FEZ2: variants seen among roughly 807,000 people sequenced by gnomAD.
FEZ2 encodes the protein fasciculation and elongation protein zeta-2.
Under a neutral mutation model 40.4 loss-of-function variants are expected in FEZ2, and 51 were observed. The observed-to-expected ratio is 1.26, with a 90% CI of 1.01 to 1.59. The LOEUF (loss-of-function observed/expected upper bound fraction) is 1.59, where lower values mean the gene tolerates loss of function less well. FEZ2 is among the 40% of genes most tolerant of loss of function. The pLI is 0.00. For synonymous variants in FEZ2, 242 were observed against 172.0 expected (o/e 1.41, Z -3.18); for missense variants, 640 against 438.3 (o/e 1.46, Z -4.11).
intron 5 of FEZ2, among the ~76,000 whole-genome samples, chr2:36,573,233 C>G (rs1033401089): frequency 1.3e-5 from 2 of 152,176 alleles, no homozygotes; most frequent in African/African-American, 4.8e-5. Context: ...AGATTTGTTA[C>G]TAGATACTCA....
rs1359442883 is a variant in FEZ2 at position 36,597,951 on chromosome 2, G to C, written c.192C>G (p.Pro64=). The C allele has an allele frequency of 1.4e-6, 2 of 1,461,162 alleles. No homozygotes were observed. Among genetic ancestry groups the C allele is most frequent in the East Asian group, 3.0e-5 (1 of 33,782 alleles). The allele number at this position is 1,461,162 out of a possible 1,614,324, so 90.5% of individuals were successfully genotyped here. The change falls in exon 1 of 8, where the codon CCC becomes CCG. Residue 64 remains proline, a synonymous_variant. Coordinates refer to ENST00000405912, the MANE Select transcript of FEZ2 (RefSeq NM_005102.3). The part of the protein sequence containing the change: ...LEEKLSLCFR[P]SDPGAEPPRT... Reference sequence around the variant, plus strand: ...TCGGGGGCTCGGCGCCCGGATCCGAGGGGCGGAAGCACAGGCTCAGCTTCT... The same window carrying C: ...TCGGGGGCTCGGCGCCCGGATCCGACGGGCGGAAGCACAGGCTCAGCTTCT...
intron 5 of FEZ2, among the ~76,000 whole-genome samples, chr2:36,573,344 C>T (rs1213193963): frequency 2.0e-5 from 3 of 152,140 alleles, no homozygotes; most frequent in Non-Finnish European, 4.4e-5. Flanking sequence ...ACTAGATGAA[C>T]AGCAACTACT....
chr2:36,563,545 C>T (rs1668149564), intron 5 of FEZ2, among the ~76,000 whole-genome samples: 2 of 151,172 alleles, frequency 1.3e-5, no homozygotes, highest in Admixed American at 1.3e-4. Flanking sequence ...AAACTAAAAT[C>T]TACGTCTGAG....
intron 2 of FEZ2, among the ~76,000 whole-genome samples, chr2:36,587,346 T>G (rs1014202561): frequency 6.6e-6 from 1 of 152,214 alleles, no homozygotes; most frequent in Non-Finnish European, 1.5e-5. Context: ...GGTATCATTA[T>G]TCACTCCTCC....
intron 7 of FEZ2, among the ~76,000 whole-genome samples, chr2:36,553,781 C>T (rs930067913): frequency 2.0e-5 from 3 of 152,120 alleles, no homozygotes; most frequent in Non-Finnish European, 4.4e-5. Flanking sequence ...GCAGCCAAGC[C>T]ACACTCTCAT....
chr2:36,596,558 G>T (rs531052386), intron 1 of FEZ2, among the ~76,000 whole-genome samples: 2 of 152,212 alleles, frequency 1.3e-5, no homozygotes, highest in East Asian at 3.8e-4. Context: ...CAGGACTCAA[G>T]CAATCCTGCC....
chr2:36,580,816 C>T (rs963898299), intron 4 of FEZ2, among the ~76,000 whole-genome samples: 2 of 152,138 alleles, frequency 1.3e-5, no homozygotes, highest in Non-Finnish European at 2.9e-5. Context: ...AAAATAAGGT[C>T]ATTAGGATAG....
At chr2:36,555,629 TACTG>T (rs1227400481) in intron 7 of FEZ2, 50 bp downstream of exon 7, 45 of 940,516 alleles carry the variant, frequency 4.8e-5, no homozygotes, top group Non-Finnish European at 6.9e-5. Flanking sequence ...GCGATGTATT[TACTG>T]ACTAATCCAA....
chr2:36,562,250 AATTT>A (rs1668113660), intron 5 of FEZ2, among the ~76,000 whole-genome samples: 1 of 152,086 alleles, frequency 6.6e-6, no homozygotes, highest in South Asian at 2.1e-4. Flanking sequence ...ATTTTTCATG[AATTT>A]ATATTTTTAA....
Position 36,558,524 on chromosome 2 carries a change from TAAA to T in FEZ2, c.904-14_904-12del. 4.9e-6 allele frequency: 6 copies of T among 1,215,656 alleles called. No individual in the cohort carries two copies. The highest frequency in any genetic ancestry group is 1.7e-5 in the South Asian group (1 of 59,828). The allele number at this position is 1,215,656 out of a possible 1,614,324, so 75.3% of individuals were successfully genotyped here. ...GACTGTAGTCAAATACTGCCAAGTT[TAAA>T]AAAAAAAAGTGTCACTTAAATCGGA... On this transcript the variant is annotated splice_polypyrimidine_tract_variant and intron_variant, in intron 5 of 7. Transcript: ENST00000405912.
chr2:36,591,641 G>C (rs1180785350), intron 1 of FEZ2: 1 of 152,374 alleles, frequency 6.6e-6, no homozygotes, highest in Non-Finnish European at 1.5e-5. Context: ...AGGAGAAAGA[G>C]AGGGAGTTCA....
intron 5 of FEZ2, among the ~76,000 whole-genome samples, chr2:36,566,556 G>A (rs114586533): frequency 0.013 from 2,042 of 152,250 alleles, 49 homozygotes; most frequent in African/African-American, 0.047. Context: ...GTATGTAGGA[G>A]GCATCTGACT....
Position 36,571,427 on chromosome 2 carries a change from G to A in FEZ2, c.903+7170C>T, listed in dbSNP as rs988363567. Among the ~76,000 whole-genome samples, 6 of 149,508 alleles carry A rather than the reference G, an allele frequency of 4.0e-5. No homozygotes were observed. The East Asian group carries it at 1.0e-3, about 25-fold the overall frequency. On this transcript the variant is annotated intron_variant, in intron 5 of 7. Transcript: ENST00000405912. ...TGTAATCCCAGCACTTTGGGAGGCC[G>A]AGGTGGGCGGATCGCTTGAGGCCAG...
chr2:36,567,686 C>A (rs530666003), intron 5 of FEZ2, among the ~76,000 whole-genome samples: 2 of 151,496 alleles, frequency 1.3e-5, no homozygotes, highest in Non-Finnish European at 2.9e-5. Flanking sequence ...CACTTGAACC[C>A]GGGAGGCGGA....
chr2:36,576,871 C>A (rs1668587831), intron 5 of FEZ2, among the ~76,000 whole-genome samples: 1 of 152,082 alleles, frequency 6.6e-6, no homozygotes, highest in Admixed American at 6.6e-5. Context: ...GCCTTTAAAC[C>A]CCTCTAGGGA....
chr2:36,583,661 A>C (rs1181775891), intron 2 of FEZ2, among the ~76,000 whole-genome samples, 192 bp from the exon 3 acceptor site: 2 of 152,198 alleles, frequency 1.3e-5, no homozygotes, highest in Non-Finnish European at 2.9e-5. Context: ...AAGAATGTAG[A>C]ATAAATATGA....
chr2:36,555,945 G>C (rs764049231), intron 6 of FEZ2, 197 bp from the exon 7 acceptor site: 1 of 677,204 alleles, frequency 1.5e-6, no homozygotes. Context: ...AAGTCCACAA[G>C]AATTTATTTT....
intron 5 of FEZ2, 84 bp from the exon 6 acceptor site, chr2:36,558,597 A>G (rs1284841444): frequency 1.2e-5 from 8 of 664,574 alleles, no homozygotes; most frequent in Non-Finnish European, 2.0e-5. Flanking sequence ...TAGAAGGTCT[A>G]TCTGATAATA....
intron 5 of FEZ2, among the ~76,000 whole-genome samples, chr2:36,568,065 G>A (rs771696811): frequency 7.2e-5 from 11 of 152,178 alleles, no homozygotes; most frequent in Admixed American, 2.6e-4. Flanking sequence ...TTACAACCTT[G>A]AGAGCAGATG....
Sources: gnomAD v4.1 joint callset for allele counts (sites outside exome capture counted in the v4.1 genomes callset) on GRCh38, gnomAD v4.1.1 for gene constraint, MANE v1.5 for transcripts, NCBI Gene and HGNC (gene_info 2026-07-23, HGNC 2026-07-21) for gene names.